COL23A1: variants seen among roughly 807,000 people sequenced by gnomAD.
COL23A1 encodes the protein collagen alpha-1(XXIII) chain.
COL23A1 carries 97 observed loss-of-function variants against 99.3 expected under a neutral mutation model. The ratio of observed to expected loss-of-function variants is 0.98; its 90% CI spans 0.83 to 1.16. The LOEUF (loss-of-function observed/expected upper bound fraction) is 1.16. COL23A1 is among the 50% of genes most tolerant of loss of function. COL23A1 has a pLI of 0.00. For missense variants in COL23A1, 762 were observed against 757.4 expected, an observed-to-expected ratio of 1.01 and a Z score of -0.07; for synonymous variants, 320 against 308.2, an observed-to-expected ratio of 1.04 and a Z score of -0.40.
At chr5:178,269,675 CATCCACT>C (rs1756170601) in intron 6 of COL23A1, among the ~76,000 whole-genome samples, 1 of 144,158 alleles carries the variant, frequency 6.9e-6, no homozygotes, top group Non-Finnish European at 1.5e-5. Flanking sequence ...TCCACCCATT[CATCCACT>C]ATCCATCCAT....
chr5:178,479,912 C>T (rs975240685), intron 2 of COL23A1, among the ~76,000 whole-genome samples: 2 of 152,232 alleles, frequency 1.3e-5, no homozygotes, highest in South Asian at 4.1e-4. Flanking sequence ...ATGGGGCGGC[C>T]TACTGCACAC....
At chr5:178,364,415 C>G (rs1007389022) in intron 2 of COL23A1, among the ~76,000 whole-genome samples, 5 of 151,884 alleles carry the variant, frequency 3.3e-5, no homozygotes, top group African/African-American at 1.2e-4. Flanking sequence ...GAAGCAGGCC[C>G]ACAGGAGGGT....
chr5:178,564,859 T>A (rs1454256998), intron 1 of COL23A1, among the ~76,000 whole-genome samples: 1 of 152,234 alleles, frequency 6.6e-6, no homozygotes, highest in African/African-American at 2.4e-5. Context: ...ATGCAATGAT[T>A]TATTCCTGTA....
At chr5:178,562,736 T>TGGTGGGGG (rs1554197569) in intron 1 of COL23A1, 1 of 106,822 alleles carries the variant, frequency 9.4e-6, no homozygotes, top group African/African-American at 4.9e-5. Flanking sequence ...TGGCTGGTGG[T>TGGTGGGGG]GGGGGGGGTG....
chr5:178,288,687 C>G (rs1045113676), intron 4 of COL23A1: 2 of 401,320 alleles, frequency 5.0e-6, no homozygotes, highest in African/African-American at 2.0e-5. Flanking sequence ...CACGACCAAC[C>G]AGGAACTGAA....
rs1254801628 is a variant in COL23A1, at chr5:178,281,501, C to G, written c.441+6823G>C. On this transcript the variant is annotated intron_variant, in intron 5 of 28. Coordinates refer to ENST00000390654, the MANE Select transcript of COL23A1 (RefSeq NM_173465.4). The surrounding 1 kb of genome is among the most constrained non-coding windows in gnomAD (Gnocchi z 4.0). ...CCGGAGATGAAGTGCAGTCACCGCT[C>G]CCTCGACTCCAGAGGGGCTTGGGCA... Among the ~76,000 whole-genome samples the G allele has an allele frequency of 1.3e-5, 2 of 152,134 alleles. No homozygotes were observed. The highest frequency in any genetic ancestry group is 4.8e-5 in the African/African-American group (2 of 41,450).
At chr5:178,355,491 T>A (rs569069449) in intron 2 of COL23A1, among the ~76,000 whole-genome samples, 1 of 152,198 alleles carries the variant, frequency 6.6e-6, no homozygotes, top group East Asian at 1.9e-4. Flanking sequence ...CGCATTGCTA[T>A]AAAGAACTAC....
At chr5:178,293,001 C>T (rs76709495) in intron 3 of COL23A1, among the ~76,000 whole-genome samples, 1,574 of 151,902 alleles carry the variant, frequency 0.01, 33 homozygotes, top group African/African-American at 0.035. Flanking sequence ...AATGCAGAGG[C>T]ATGTCCAGGG....
intron 1 of COL23A1, among the ~76,000 whole-genome samples, chr5:178,568,518 CATA>C (rs1371623750): frequency 1.4e-5 from 2 of 145,514 alleles, no homozygotes; most frequent in African/African-American, 5.2e-5. Context: ...TAAGTACATT[CATA>C]ATGTTATACA....
chr5:178,318,339 T>G (rs1759087922), intron 2 of COL23A1, among the ~76,000 whole-genome samples: 1 of 152,196 alleles, frequency 6.6e-6, no homozygotes, highest in Non-Finnish European at 1.5e-5. Flanking sequence ...GATTGGCAGA[T>G]GTAAGGCACG....
intron 2 of COL23A1, among the ~76,000 whole-genome samples, chr5:178,558,938 G>T (rs993712536): frequency 3.3e-5 from 5 of 151,952 alleles, no homozygotes; most frequent in African/African-American, 4.8e-5. Context: ...ACAGGCATGC[G>T]CCACCATGCC....
chr5:178,462,129 C>T (rs192308684), intron 2 of COL23A1, among the ~76,000 whole-genome samples: 2 of 152,184 alleles, frequency 1.3e-5, no homozygotes, highest in East Asian at 3.9e-4. Context: ...ATATAAGTAG[C>T]CATCTACTCA....
chr5:178,374,667 G>A (rs1762976953), intron 2 of COL23A1, among the ~76,000 whole-genome samples: 1 of 152,184 alleles, frequency 6.6e-6, no homozygotes, highest in African/African-American at 2.4e-5. Flanking sequence ...AAACCTGTTA[G>A]TTAAAACCAC....
intron 27 of COL23A1, among the ~76,000 whole-genome samples, chr5:178,241,309 G>C (rs11742670): frequency 0.26 from 38,819 of 151,892 alleles, 5,474 homozygotes; most frequent in African/African-American, 0.39. Context: ...GCTGCCAAAG[G>C]CCACTGAGAG....
At chr5:178,517,870 GTTCTTTTTTTTTTT>G (rs1253331064) in intron 2 of COL23A1, among the ~76,000 whole-genome samples, 15 of 81,928 alleles carry the variant, frequency 1.8e-4, no homozygotes, top group East Asian at 5.2e-4. Context: ...AGCAACAGCG[GTTCTTTTTTTTTTT>G]TTTTTTTTTT....
At chr5:178,441,981 C>T (rs1280418248) in intron 2 of COL23A1, among the ~76,000 whole-genome samples, 1 of 152,104 alleles carries the variant, frequency 6.6e-6, no homozygotes. Flanking sequence ...CCTCAGTTTC[C>T]CTGCCCCAAA....
At chr5:178,463,473 G>A (rs893156827) in intron 2 of COL23A1, among the ~76,000 whole-genome samples, 1 of 152,150 alleles carries the variant, frequency 6.6e-6, no homozygotes, top group African/African-American at 2.4e-5. Flanking sequence ...AGGAAAAGAT[G>A]CAGGAAAAAC....
intron 2 of COL23A1, among the ~76,000 whole-genome samples, chr5:178,405,239 G>C (rs975121599): frequency 6.6e-6 from 1 of 152,226 alleles, no homozygotes; most frequent in African/African-American, 2.4e-5. Context: ...CCTCCACCCT[G>C]ACGTTTCTGC....
chr5:178,303,937 G>A (rs912192652), intron 3 of COL23A1, among the ~76,000 whole-genome samples: 2 of 152,218 alleles, frequency 1.3e-5, no homozygotes, highest in Admixed American at 6.5e-5. Context: ...GGGGATAAGA[G>A]GGTCTGGGAG....
Sources: allele counts gnomAD v4.1 joint callset (sites outside exome capture counted in the v4.1 genomes callset), GRCh38; gene constraint gnomAD v4.1.1; non-coding constraint Gnocchi (gnomAD v3.1); transcripts MANE v1.5; gene names NCBI Gene and HGNC (gene_info 2026-07-23, HGNC 2026-07-21).